The following ZNF540 variants were observed in gnomAD, a reference collection of about 807,000 sequenced individuals.
ZNF540 encodes the protein CTD-3064H18.6.
In ZNF540, 3 loss-of-function variants were observed where a neutral mutation model predicts 11.8. The ratio of observed to expected loss-of-function variants is 0.25; its 90% confidence interval spans 0.12 to 0.65. The LOEUF is 0.65. ZNF540 is among the 30% of genes least tolerant of loss of function. The pLI is 0.83. For synonymous variants in ZNF540, 247 were observed against 259.0 expected, an observed-to-expected ratio of 0.95 and a Z score of 0.45; for missense variants, 709 against 793.1, an observed-to-expected ratio of 0.89 and a Z score of 1.27.
At chr19:37,606,612 C>T (rs1178271977) in intron 4 of ZNF540, among the ~76,000 whole-genome samples, 3 of 152,140 alleles carry the variant, frequency 2.0e-5, no homozygotes, top group Non-Finnish European at 2.9e-5. Context: ...TTGAGAACAG[C>T]CATTCCAGTG....
In ZNF540 at chr19:37,613,148, C is replaced by A. The variant is rs746897709; in HGVS notation, c.1868C>A (p.Thr623Asn). ...GKAFRLNSHL[T>N]EHQRIHTGEK... Reference sequence around the variant, plus strand: ...GCCTTTAGACTTAATTCACACCTTACTGAACATCAGAGAATTCACACTGGT... The same window carrying A: ...GCCTTTAGACTTAATTCACACCTTAATGAACATCAGAGAATTCACACTGGT... Residue 623 changes from threonine (T) to asparagine (N), a missense_variant, in exon 5 of 5, where the codon ACT (threonine) becomes AAT (asparagine). Coordinates refer to ENST00000316433, the MANE Select transcript of ZNF540 (RefSeq NM_001172225.3). 1 of 1,613,892 alleles carries A rather than the reference C, an allele frequency of 6.2e-7. No homozygotes were observed. The highest frequency in any genetic ancestry group is 8.5e-7 in the Non-Finnish European group (1 of 1,179,888).
In ZNF540 at chr19:37,559,537, A is replaced by C. The variant is rs1216332950; in HGVS notation, c.-73+7872A>C. Among the ~76,000 whole-genome samples, 9 of 152,324 alleles carry C rather than the reference A, an allele frequency of 5.9e-5. No individual in the cohort carries two copies. The East Asian group carries it at 1.7e-3, about 29-fold the overall frequency. ...TAATTCTGCAGGCATTTTGAAAAAGAAAAGCAAGGTGCACAAGACAAATAC... is the reference window on the plus strand; with the variant it reads ...TAATTCTGCAGGCATTTTGAAAAAGCAAAGCAAGGTGCACAAGACAAATAC... On this transcript the variant is annotated intron_variant, in intron 1 of 4. Transcript: ENST00000592533.
In ZNF540 at chr19:37,612,353, A is replaced by C; in HGVS notation, c.1073A>C (p.Lys358Thr). ...IHTGVKPYEC[K>T]ECGKTFRLSF... Reference sequence around the variant, plus strand: ...ACTGGTGTAAAACCCTACGAATGTAAGGAATGTGGAAAGACCTTTAGACTT... The same window carrying C: ...ACTGGTGTAAAACCCTACGAATGTACGGAATGTGGAAAGACCTTTAGACTT... The change falls in exon 5 of 5, where the codon AAG becomes ACG. Residue 358 changes from lysine (K) to threonine (T), a missense_variant. Physicochemically the swap from Lys to Thr is moderately conservative, Grantham distance 78 (BLOSUM62 -1). Coordinates refer to ENST00000316433, the MANE Select transcript of ZNF540 (RefSeq NM_001172225.3). 6.2e-7 allele frequency: 1 copy of C among 1,614,138 alleles called. No individual in the cohort carries two copies. Among genetic ancestry groups the C allele is most frequent in the Admixed American group, 1.7e-5 (1 of 60,018 alleles).
chr19:37,569,205 G>T lies in ZNF540; in HGVS notation c.-73+17540G>T, dbSNP rs1378554813. ...TGGCCTCAAGTGATCCACCTGCCCC[G>T]GACTCCCACAGCACTAGGATTACAG... On this transcript the variant is annotated intron_variant, in intron 1 of 4. Transcript: ENST00000592533. This position sits in a 1 kb window ranked among gnomAD's most constrained non-coding sequence, Gnocchi z 4.4. Among the ~76,000 whole-genome samples the T allele has an allele frequency of 6.6e-6, 1 of 151,968 alleles. No homozygotes were observed. The highest frequency in any genetic ancestry group is 2.4e-5 in the African/African-American group (1 of 41,356).
intron 1 of ZNF540, chr19:37,563,696 A>G (rs1341513304): frequency 6.6e-6 from 1 of 151,866 alleles, no homozygotes; most frequent in Non-Finnish European, 1.5e-5. Context: ...GAATGTATAC[A>G]TATGTGGAAT....
At chr19:37,605,052 C>T (rs186961806) in intron 4 of ZNF540, among the ~76,000 whole-genome samples, 5 of 152,286 alleles carry the variant, frequency 3.3e-5, no homozygotes, top group Admixed American at 3.3e-4. Flanking sequence ...TCTAGTCTTT[C>T]GCAGGCATGA....
chr19:37,575,281 T>A (rs1325867489), intron 1 of ZNF540, among the ~76,000 whole-genome samples: 1 of 152,220 alleles, frequency 6.6e-6, no homozygotes, highest in African/African-American at 2.4e-5. Context: ...ACATTGTATA[T>A]ACATGTGTAA....
intron 1 of ZNF540, among the ~76,000 whole-genome samples, chr19:37,556,709 T>C (rs945171585): frequency 6.6e-6 from 1 of 152,188 alleles, no homozygotes; most frequent in Admixed American, 6.5e-5. Flanking sequence ...TTTCTGCCAA[T>C]TGGGCATCTC....
chr19:37,558,960 C>G (rs2147139845), intron 1 of ZNF540, among the ~76,000 whole-genome samples: 1 of 152,300 alleles, frequency 6.6e-6, no homozygotes, highest in African/African-American at 2.4e-5. Flanking sequence ...ATCCTCCCAC[C>G]TGTCTCCCAA....
At chr19:37,602,813 G>A (rs181330751) in intron 4 of ZNF540, among the ~76,000 whole-genome samples, 2 of 152,292 alleles carry the variant, frequency 1.3e-5, no homozygotes, top group Non-Finnish European at 2.9e-5. Flanking sequence ...GAAGCTGGTG[G>A]TGACCTTGTG....
chr19:37,562,970 A>T (rs1037219260), intron 1 of ZNF540: 1 of 152,184 alleles, frequency 6.6e-6, no homozygotes. Context: ...TTTTTAATGG[A>T]CTGAAAACAT....
chr19:37,604,077 A>C (rs1241137111), intron 4 of ZNF540, among the ~76,000 whole-genome samples: 1 of 152,130 alleles, frequency 6.6e-6, no homozygotes, highest in Non-Finnish European at 1.5e-5. Context: ...TCGAGTAGCT[A>C]AACTAACTTT....
Position 37,564,764 on chromosome 19 carries a change from T to C in ZNF540, c.-73+13099T>C, listed in dbSNP as rs1008817338. On this transcript the variant is annotated intron_variant, in intron 1 of 4. Coordinates refer to the ZNF540 transcript ENST00000592533. ...ACATTCCTTACATTCATAGGGTTTC[T>C]CTCCAGTATGAGTTCTCAGATGTTC... 5 of 1,613,714 alleles carry C rather than the reference T, an allele frequency of 3.1e-6. No homozygotes were observed. The African/African-American group carries it at 6.7e-5, about 22-fold the overall frequency.
rs938800188 is a variant in ZNF540, at chr19:37,566,480, A to G, written c.-73+14815A>G. 1.3e-5 allele frequency: 8 copies of G among 622,474 alleles called. No individual in the cohort carries two copies. In the Admixed American group the frequency reaches 2.5e-4, roughly 20 times the overall value. 38.6% of individuals were successfully genotyped at this position (622,474 alleles called of 1,614,324 possible). ...AAAGAAAAAGGAGAGCTTATAGGAA[A>G]GAAGGTAATTAGAAAAATAGGTTAA... is the stretch of plus-strand genomic sequence containing the variant. On this transcript the variant is annotated intron_variant, in intron 1 of 4. Coordinates refer to the ZNF540 transcript ENST00000592533.
chr19:37,552,137 T>A (rs1438882758), intron 1 of ZNF540, among the ~76,000 whole-genome samples: 1 of 152,236 alleles, frequency 6.6e-6, no homozygotes, highest in Non-Finnish European at 1.5e-5. Flanking sequence ...AATAGGTAAT[T>A]TTTTACTTGT....
chr19:37,593,681 C>T (rs956520315), upstream of ZNF540, among the ~76,000 whole-genome samples: 1 of 152,000 alleles, frequency 6.6e-6, no homozygotes, highest in Admixed American at 6.6e-5. Flanking sequence ...CCAGCCAGGG[C>T]GACACAGCGA....
At chr19:37,574,005 C>T (rs2043157932) in intron 1 of ZNF540, among the ~76,000 whole-genome samples, 1 of 152,092 alleles carries the variant, frequency 6.6e-6, no homozygotes, top group Admixed American at 6.5e-5. Context: ...ATTAATCAAC[C>T]ACATTTAGCA....
intron 1 of ZNF540, chr19:37,584,270 A>G: frequency 1.3e-6 from 1 of 751,478 alleles, no homozygotes. Context: ...CACAGATAAA[A>G]CTTCCTCTGT....
Position 37,613,224 on chromosome 19 carries a change from A to C in ZNF540, c.1944A>C (p.Ser648=), listed in dbSNP as rs376130987. Reference sequence around the variant, plus strand: ...GTAGAAAGGCCTTTAGACAATATTCACATCTTTATCAACATCAGAAAACTC... The same window carrying C: ...GTAGAAAGGCCTTTAGACAATATTCCCATCTTTATCAACATCAGAAAACTC... ...KVCRKAFRQY[S]HLYQHQKTHN... is the part of the protein sequence containing the mutation. Residue 648 remains serine, a synonymous_variant, in exon 5 of 5, where the codon TCA becomes TCC. Coordinates refer to ENST00000316433, the MANE Select transcript of ZNF540 (RefSeq NM_001172225.3). The C allele has an allele frequency of 3.9e-6, 6 of 1,539,956 alleles. No homozygotes were observed. In the African/African-American group the frequency reaches 8.3e-5, roughly 21 times the overall value.
Sources: gnomAD v4.1 joint callset for allele counts (sites outside exome capture counted in the v4.1 genomes callset) on GRCh38, gnomAD v4.1.1 for gene constraint, Gnocchi (gnomAD v3.1) non-coding constraint, MANE v1.5 for transcripts, NCBI Gene and HGNC (gene_info 2026-07-23, HGNC 2026-07-21) for gene names.